SGSM3: variants seen among roughly 807,000 people sequenced by gnomAD.
SGSM3 encodes small G protein signaling modulator 3, also known as RUN and SH3 containing 3.
In SGSM3, 96 loss-of-function variants were observed where a neutral mutation model predicts 100.5. The observed-to-expected ratio is 0.96, with a 90% CI of 0.81 to 1.13. The LOEUF is 1.13. SGSM3 is among the 50% of genes most tolerant of loss of function. The pLI is 0.00. For synonymous variants in SGSM3, 483 were observed against 422.8 expected, an observed-to-expected ratio of 1.14 and a Z score of -1.75; for missense variants, 1,001 against 1,015.8, an observed-to-expected ratio of 0.99 and a Z score of 0.20.
At chr22:40,405,107 C>A (rs2051286905) in intron 6 of SGSM3, 34 bp from the exon 7 acceptor site, 2 of 1,478,998 alleles carry the variant, frequency 1.4e-6, no homozygotes, top group Non-Finnish European at 1.8e-6. Flanking sequence ...GTCACAAGGT[C>A]TTGTTATTGT....
intron 1 of SGSM3, among the ~76,000 whole-genome samples, chr22:40,399,792 T>G (rs2050494887): frequency 6.6e-6 from 1 of 152,196 alleles, no homozygotes. Flanking sequence ...TGCCATCTGG[T>G]TCTCAGCAGG....
At chr22:40,406,308 G>A in intron 9 of SGSM3, 85 bp downstream of exon 9, 1 of 1,569,110 alleles carries the variant, frequency 6.4e-7, no homozygotes, top group Non-Finnish European at 8.7e-7. Context: ...GGCCAGGCAA[G>A]ACCAGCCCCC....
intron 1 of SGSM3, among the ~76,000 whole-genome samples, chr22:40,384,257 A>G (rs996396094): frequency 2.0e-5 from 3 of 152,052 alleles, no homozygotes; most frequent in Non-Finnish European, 4.4e-5. Flanking sequence ...AACAACAACA[A>G]CGACAAAAAA....
chr22:40,392,366 C>T (rs545659284), intron 1 of SGSM3, among the ~76,000 whole-genome samples: 28 of 151,726 alleles, frequency 1.8e-4, no homozygotes, highest in African/African-American at 6.8e-4. Flanking sequence ...ATGTCAAACT[C>T]ATGCAGAGCT....
rs762126924 is a variant in SGSM3, at chr22:40,409,690, G to A, written c.2181G>A (p.Gln727=). The A allele has an allele frequency of 6.2e-7, 1 of 1,613,420 alleles. No homozygotes were observed. Among genetic ancestry groups the A allele is most frequent in the Non-Finnish European group, 8.5e-7 (1 of 1,179,752 alleles). The change falls in exon 22 of 22, where the codon CAG becomes CAA. Residue 727 remains glutamine, a synonymous_variant. Transcript: ENST00000248929. ...GGCTGCCCTGTTTGCAGGCGCAGCA[G>A]CCCCTGAAGGAGGGCGTCCGGGACA... The part of the protein sequence containing the change: ...WELPAKREAQ[Q]PLKEGVRDML...
intron 7 of SGSM3, 75 bp from the exon 8 acceptor site, chr22:40,405,574 C>T (rs1182454769): frequency 3.6e-5 from 51 of 1,410,200 alleles, no homozygotes; most frequent in Admixed American, 5.8e-5. Flanking sequence ...TAATTGGTCT[C>T]CCTAGGGTAG....
chr22:40,400,151 G>A (rs2050555397), intron 1 of SGSM3, among the ~76,000 whole-genome samples: 2 of 152,204 alleles, frequency 1.3e-5, no homozygotes, highest in Non-Finnish European at 2.9e-5. Flanking sequence ...TATGGACCAG[G>A]ATAACAACTG....
At position 40,408,665 on chromosome 22, in the gene SGSM3, G is replaced by C. The variant is rs759321231; in HGVS notation, c.1821G>C (p.Val607=). The C allele has an allele frequency of 3.7e-6, 6 of 1,613,940 alleles. No individual in the cohort carries two copies. Among genetic ancestry groups the C allele is most frequent in the Non-Finnish European group, 5.1e-6 (6 of 1,180,030 alleles). ...AGGTCGAGAGAGACTTTGCCTCCGT[G>C]TATTCCCGTCTGGTGCTCTGTAAGA... ...GREVERDFAS[V]YSRLVLCKTF... Residue 607 remains valine (V), a synonymous_variant, in exon 17 of 22, where the codon GTG becomes GTC. Transcript: ENST00000248929.
intron 4 of SGSM3, 64 bp from the exon 5 acceptor site, chr22:40,404,183 T>TA: frequency 7.3e-7 from 1 of 1,376,984 alleles, no homozygotes; most frequent in South Asian, 1.5e-5. Context: ...GACGGAGGCT[T>TA]GGCTGCTTGG....
intron 10 of SGSM3, 156 bp from the exon 11 acceptor site, chr22:40,406,860 CG>C: frequency 1.1e-6 from 1 of 911,366 alleles, no homozygotes; most frequent in Non-Finnish European, 1.7e-6. Flanking sequence ...GATCCTGGCA[CG>C]GTTTGGGAGG....
At chr22:40,409,052 G>C (rs1432778440) in intron 19 of SGSM3, 34 bp downstream of exon 19, 2 of 1,554,254 alleles carry the variant, frequency 1.3e-6, no homozygotes, top group Non-Finnish European at 1.7e-6. Flanking sequence ...GGAGAGCCCT[G>C]GAGTGGGGGG....
intron 1 of SGSM3, among the ~76,000 whole-genome samples, chr22:40,391,108 GA>G (rs2049296229): frequency 6.6e-6 from 1 of 152,212 alleles, no homozygotes; most frequent in African/African-American, 2.4e-5. Context: ...ATCTGAGCTA[GA>G]ATTTGAAAGA....
Position 40,406,482 on chromosome 22 carries a change from C to T in SGSM3, c.1005C>T (p.Asn335=), listed in dbSNP as rs779243949. 4.3e-5 allele frequency: 69 copies of T among 1,605,948 alleles called. No homozygotes were observed. The highest frequency in any genetic ancestry group is 1.8e-4 in the Middle Eastern group (1 of 5,554). Residue 335 remains asparagine, a synonymous_variant, in exon 10 of 22, where the codon AAC becomes AAT. Coordinates refer to ENST00000248929, the MANE Select transcript of SGSM3 (RefSeq NM_015705.6). ...CAGAGAACTCGGCCTCCATCTTCAACACGCTATCGGATATCCCGTCGCAGA... is the reference window on the plus strand; with the variant it reads ...CAGAGAACTCGGCCTCCATCTTCAATACGCTATCGGATATCCCGTCGCAGA... ...IQSENSASIF[N]TLSDIPSQME...
At chr22:40,372,519 C>G (rs543393212) in intron 1 of SGSM3, 2 of 152,190 alleles carry the variant, frequency 1.3e-5, no homozygotes, top group African/African-American at 4.8e-5. Context: ...TTAACATAAC[C>G]CATGACCAGA....
At position 40,407,201 on chromosome 22, in the gene SGSM3, G is replaced by A. The variant is rs2051698053; in HGVS notation, c.1241G>A (p.Gly414Glu). The change falls in exon 12 of 22, where the codon GGG becomes GAG. Residue 414 changes from glycine (G) to glutamate (E), a missense_variant and splice_region_variant. Coordinates refer to ENST00000248929, the MANE Select transcript of SGSM3 (RefSeq NM_015705.6). The surrounding 1 kb of genome is among the most constrained non-coding windows in gnomAD (Gnocchi z 4.7). ...RKSTITALLFGEDDLEALKAK... is the reference protein window; with the variant it reads ...RKSTITALLFEEDDLEALKAK... Reference sequence around the variant, plus strand: ...CACCATGGTTCTCTGGGCCTCCTAGGGGAGGATGACCTGGAGGCACTCAAG... The same window carrying A: ...CACCATGGTTCTCTGGGCCTCCTAGAGGAGGATGACCTGGAGGCACTCAAG... 1 of 1,613,616 alleles carries A rather than the reference G, an allele frequency of 6.2e-7. No individual in the cohort carries two copies. The highest frequency in any genetic ancestry group is 8.5e-7 in the Non-Finnish European group (1 of 1,179,960).
At chr22:40,400,986 TCTCTAGCTCTCCTC>T (rs2050678007) in intron 2 of SGSM3, among the ~76,000 whole-genome samples, 173 bp downstream of exon 2, 1 of 152,186 alleles carries the variant, frequency 6.6e-6, no homozygotes, top group African/African-American at 2.4e-5. Flanking sequence ...TCAGCTCTGC[TCTCTAGCTCTCCTC>T]CTCCAGCTCT....
At chr22:40,373,924 G>A (rs1472452799) in intron 1 of SGSM3, among the ~76,000 whole-genome samples, 1 of 150,848 alleles carries the variant, frequency 6.6e-6, no homozygotes, top group African/African-American at 2.4e-5. Flanking sequence ...TGATAGGGTG[G>A]TTTATTTATT....
rs372219415 is a variant in SGSM3 at position 40,410,004 on chromosome 22, G to C, written c.*245G>C. 1 of 1,337,854 alleles carries C rather than the reference G, an allele frequency of 7.5e-7. No homozygotes were observed. The highest frequency in any genetic ancestry group is 1.5e-5 in the African/African-American group (1 of 65,990). The allele number at this position is 1,337,854 out of a possible 1,614,324, so 82.9% of individuals were successfully genotyped here. A position where few individuals can be genotyped will look rare whatever the true frequency, so the allele number is the denominator to read the frequency against. On this transcript the variant is annotated 3_prime_UTR_variant, in exon 22 of 22. Transcript: ENST00000248929. ...TTTGTACCAAAAACCTTGTGAGGAG[G>C]TGGGGGAGCCATGTCTGTGCTCAGG...
chr22:40,380,265 G>T (rs1426073659), intron 1 of SGSM3, among the ~76,000 whole-genome samples: 2 of 151,838 alleles, frequency 1.3e-5, no homozygotes, highest in African/African-American at 4.8e-5. Flanking sequence ...ACACTTATCT[G>T]CACCACCCAG....
Sources: gnomAD v4.1 joint callset for allele counts (sites outside exome capture counted in the v4.1 genomes callset) on GRCh38, gnomAD v4.1.1 for gene constraint, Gnocchi (gnomAD v3.1) non-coding constraint, MANE v1.5 for transcripts, NCBI Gene and HGNC (gene_info 2026-07-23, HGNC 2026-07-21) for gene names.